INSC: variants seen among roughly 807,000 people sequenced by gnomAD.
The protein encoded by INSC is protein inscuteable homolog.
INSC carries 67 observed loss-of-function variants against 58.6 expected under a neutral mutation model. That is an observed-to-expected ratio of 1.14 (90% CI 0.94 to 1.40). The LOEUF (loss-of-function observed/expected upper bound fraction) is 1.40. Among genes scored for constraint, INSC ranks in the 40% most tolerant of loss-of-function variants. The pLI is 0.00. For missense variants in INSC, 714 were observed against 692.0 expected, an observed-to-expected ratio of 1.03 and a Z score of -0.36; for synonymous variants, 262 against 276.1, an observed-to-expected ratio of 0.95 and a Z score of 0.51.
chr11:15,179,292 C>T (rs1228948335), intron 5 of INSC, among the ~76,000 whole-genome samples: 1 of 152,170 alleles, frequency 6.6e-6, no homozygotes, highest in Non-Finnish European at 1.5e-5. Flanking sequence ...AAAAACCTCC[C>T]AGTAAAGCAG....
At chr11:15,111,507 C>T (rs1345632337), upstream of INSC, among the ~76,000 whole-genome samples, 1 of 152,168 alleles carries the variant, frequency 6.6e-6, no homozygotes, top group Non-Finnish European at 1.5e-5. Flanking sequence ...TGGAGGGGAC[C>T]TTTGCCTGAT....
In INSC at chr11:15,175,801, C is replaced by T. The variant is rs148355976; in HGVS notation, c.117C>T (p.Thr39=). The T allele has an allele frequency of 1.5e-4, 236 of 1,603,504 alleles. 2 individuals carry two copies. The African/African-American group carries it at 2.4e-3, about 16-fold the overall frequency. ...GGATGGAAGATCTGAAGCTCATGACCGAGTGCGAGTGCATGTGTGTCCTGC... is the reference window on the plus strand; with the variant it reads ...GGATGGAAGATCTGAAGCTCATGACTGAGTGCGAGTGCATGTGTGTCCTGC... ...QRWMEDLKLM[T]ECECMCVLQA... is the part of the protein sequence containing the mutation. The change falls in exon 3 of 13, where the codon ACC becomes ACT. Residue 39 remains threonine, a synonymous_variant. Coordinates refer to ENST00000379556, the MANE Select transcript of INSC (RefSeq NM_001042536.3).
chr11:15,254,216 A>G, the INSC span, among the ~76,000 whole-genome samples: 2 of 152,102 alleles, frequency 1.3e-5, no homozygotes, highest in East Asian at 1.9e-4. Flanking sequence ...GATAGAATCC[A>G]TATCTCTTTG....
chr11:15,166,268 G>A (rs1236739621), intron 2 of INSC, among the ~76,000 whole-genome samples: 1 of 152,110 alleles, frequency 6.6e-6, no homozygotes, highest in Non-Finnish European at 1.5e-5. Flanking sequence ...CTGAGAATTG[G>A]GGCAATGGTT....
chr11:15,252,962 A>G, the INSC span, among the ~76,000 whole-genome samples: 4 of 152,156 alleles, frequency 2.6e-5, no homozygotes, highest in African/African-American at 9.7e-5. Flanking sequence ...TCCCACTGCC[A>G]TCAAAATGAG....
intron 1 of INSC, among the ~76,000 whole-genome samples, chr11:15,140,183 C>T (rs908838716): frequency 1.3e-5 from 2 of 152,170 alleles, no homozygotes; most frequent in Admixed American, 1.3e-4. Flanking sequence ...AGTGAGGACA[C>T]CTTGACACTG....
chr11:15,150,005 A>G (rs1045479453), intron 2 of INSC, among the ~76,000 whole-genome samples: 1 of 152,258 alleles, frequency 6.6e-6, no homozygotes, highest in Non-Finnish European at 1.5e-5. Context: ...TAACATCAGG[A>G]ATTATGGCTG....
intron 9 of INSC, among the ~76,000 whole-genome samples, chr11:15,229,931 A>T (rs1442613565): frequency 3.4e-5 from 2 of 58,074 alleles, no homozygotes; most frequent in South Asian, 1.4e-3. Context: ...TTTTTTATAT[A>T]TTATATATAT....
intron 2 of INSC, among the ~76,000 whole-genome samples, chr11:15,164,484 C>T (rs1206465292): frequency 6.6e-6 from 1 of 152,116 alleles, no homozygotes; most frequent in Non-Finnish European, 1.5e-5. Flanking sequence ...AGGAGTTTCT[C>T]CTTAATGTGG....
chr11:15,131,318 G>A (rs184649876), intron 1 of INSC, among the ~76,000 whole-genome samples: 6 of 151,794 alleles, frequency 4.0e-5, no homozygotes, highest in African/African-American at 1.4e-4. Context: ...ACAACTGTAT[G>A]GGGTATTTAT....
rs576959699 is a variant in INSC, at chr11:15,158,074, C to A, written c.56+8844C>A. 1.3e-4 allele frequency among the ~76,000 whole-genome samples: 20 copies of A among 152,238 alleles called. No homozygotes were observed. The East Asian group carries it at 3.9e-3, about 29-fold the overall frequency. On this transcript the variant is annotated intron_variant, in intron 2 of 12. Coordinates refer to ENST00000379556, the MANE Select transcript of INSC (RefSeq NM_001042536.3). ...CCTGTCCCTCCCAGATCTTCCTATC[C>A]CATGCCATTGCCTTAGTTCAGGCTT...
chr11:15,116,807 T>TCTTTCTTTCTTTC (rs1554900057), intron 1 of INSC, among the ~76,000 whole-genome samples: 1 of 19,928 alleles, frequency 5.0e-5, no homozygotes, highest in African/African-American at 2.6e-4. Flanking sequence ...TTTCTTTCTT[T>TCTTTCTTTCTTTC]TCTTTCTTTC....
intron 1 of INSC, among the ~76,000 whole-genome samples, chr11:15,132,252 G>T (rs186213070): frequency 6.6e-6 from 1 of 151,862 alleles, no homozygotes; most frequent in South Asian, 2.1e-4. Context: ...TAGATTCATC[G>T]TTTCTTATCT....
At chr11:15,132,474 T>A (rs1406583105) in intron 1 of INSC, among the ~76,000 whole-genome samples, 3 of 152,118 alleles carry the variant, frequency 2.0e-5, no homozygotes, top group Admixed American at 1.3e-4. Flanking sequence ...TTTGTAGAGA[T>A]GGAGCCTGCA....
chr11:15,189,976 C>T (rs923082691), intron 5 of INSC, among the ~76,000 whole-genome samples: 5 of 152,190 alleles, frequency 3.3e-5, no homozygotes, highest in African/African-American at 7.2e-5. Flanking sequence ...CTTTCATTTG[C>T]TTTCCTTCCT....
At chr11:15,118,216 C>T (rs1463689734) in intron 1 of INSC, among the ~76,000 whole-genome samples, 1 of 152,322 alleles carries the variant, frequency 6.6e-6, no homozygotes, top group East Asian at 1.9e-4. Flanking sequence ...TGCCTCCTTG[C>T]CTGGGTCTGT....
the INSC span, among the ~76,000 whole-genome samples, chr11:15,267,133 G>A: frequency 1.3e-5 from 2 of 151,972 alleles, no homozygotes; most frequent in Non-Finnish European, 2.9e-5. Context: ...TTGGTTAACA[G>A]TTTTTTTGTC....
the INSC span, among the ~76,000 whole-genome samples, chr11:15,263,870 A>G: frequency 6.6e-6 from 1 of 152,080 alleles, no homozygotes; most frequent in East Asian, 1.9e-4. Flanking sequence ...AGTGGGGGAT[A>G]GCCATCAGAT....
At chr11:15,196,148 T>C (rs1239801699) in intron 6 of INSC, among the ~76,000 whole-genome samples, 1 of 152,170 alleles carries the variant, frequency 6.6e-6, no homozygotes, top group African/African-American at 2.4e-5. Context: ...ATTATTTACA[T>C]GGGCCACACC....
Sources: allele counts gnomAD v4.1 joint callset (sites outside exome capture counted in the v4.1 genomes callset), GRCh38; gene constraint gnomAD v4.1.1; transcripts MANE v1.5; gene names NCBI Gene and HGNC (gene_info 2026-07-23, HGNC 2026-07-21).